Variants in LRRTM4 observed in about 807,000 individuals in gnomAD.
The protein encoded by LRRTM4 is leucine-rich repeat transmembrane neuronal protein 4.
A neutral mutation model predicts 47.6 loss-of-function variants in LRRTM4; 25 were observed. The observed-to-expected ratio is 0.53, with a 90% confidence interval of 0.38 to 0.73. The LOEUF is 0.73. LRRTM4 is among the 30% of genes least tolerant of loss of function. The probability of loss-of-function intolerance (pLI) is 0.00; values close to 1 mark genes in which losing one functional copy is unlikely to be tolerated. For synonymous variants in LRRTM4, 311 were observed against 269.5 expected (o/e 1.15, Z -1.51); for missense variants, 638 against 713.4 (o/e 0.89, Z 1.20).
chr2:77,122,040 T>A (rs1014753362), intron 3 of LRRTM4, among the ~76,000 whole-genome samples: 2 of 151,904 alleles, frequency 1.3e-5, no homozygotes, highest in Non-Finnish European at 2.9e-5. Context: ...AATGTTTACA[T>A]GTTTATATAT....
intron 3 of LRRTM4, among the ~76,000 whole-genome samples, chr2:77,223,118 T>A (rs1018363209): frequency 6.6e-6 from 1 of 152,086 alleles, no homozygotes; most frequent in African/African-American, 2.4e-5. Flanking sequence ...CACACAATTA[T>A]ACCAATAGAT....
intron 3 of LRRTM4, among the ~76,000 whole-genome samples, chr2:76,833,306 G>A (rs1006701861): frequency 1.8e-4 from 28 of 152,168 alleles, no homozygotes; most frequent in African/African-American, 6.7e-4. Context: ...TGCAAACTCC[G>A]TGATTGTAAA....
intron 3 of LRRTM4, among the ~76,000 whole-genome samples, chr2:77,143,571 T>C (rs1385575002): frequency 6.6e-6 from 1 of 152,036 alleles, no homozygotes; most frequent in Non-Finnish European, 1.5e-5. Context: ...AAAATTTCAG[T>C]GAAAATAATG....
rs1007813378 is a variant in LRRTM4, at chr2:76,779,104, G to A, written c.1552-30188C>T. Among the ~76,000 whole-genome samples, 442 of 149,568 alleles carry A rather than the reference G, an allele frequency of 3.0e-3. 11 individuals are homozygous for A. The highest frequency in any genetic ancestry group is 0.028 in the Admixed American group (414 of 14,984). On this transcript the variant is annotated intron_variant, in intron 3 of 3. Coordinates refer to ENST00000409884, the MANE Select transcript of LRRTM4 (RefSeq NM_001134745.3). Reference sequence around the variant, plus strand: ...GATTCTTAATCCTGAGTTCTAGTTTGATTGCACTGTGGTCTGAGAGATAGT... The same window carrying A: ...GATTCTTAATCCTGAGTTCTAGTTTAATTGCACTGTGGTCTGAGAGATAGT...
chr2:76,945,689 A>G (rs188865308), intron 3 of LRRTM4, among the ~76,000 whole-genome samples: 28 of 152,086 alleles, frequency 1.8e-4, no homozygotes, highest in African/African-American at 5.5e-4. Flanking sequence ...TAACTAGTCT[A>G]AGACGAAAAC....
At chr2:77,300,000 C>G (rs538875396) in intron 3 of LRRTM4, among the ~76,000 whole-genome samples, 6 of 151,770 alleles carry the variant, frequency 4.0e-5, no homozygotes, top group African/African-American at 1.5e-4. Flanking sequence ...TACAGGCATG[C>G]GCCACCACGC....
intron 3 of LRRTM4, among the ~76,000 whole-genome samples, chr2:76,799,651 G>T (rs1325463671): frequency 1.5e-5 from 2 of 133,448 alleles, no homozygotes; most frequent in Non-Finnish European, 3.2e-5. Flanking sequence ...AGGAAAAGAG[G>T]AAGTCAAATT....
At chr2:77,106,303 G>C (rs1671091476) in intron 3 of LRRTM4, among the ~76,000 whole-genome samples, 1 of 152,136 alleles carries the variant, frequency 6.6e-6, no homozygotes, top group African/African-American at 2.4e-5. Context: ...CTTCTGGAGA[G>C]CAGAGATTAG....
chr2:77,500,295 A>T (rs1678523131), intron 3 of LRRTM4, among the ~76,000 whole-genome samples: 1 of 151,782 alleles, frequency 6.6e-6, no homozygotes, highest in Non-Finnish European at 1.5e-5. Flanking sequence ...AGTTTGATTT[A>T]AAAAAATGTG....
At chr2:77,340,967 G>T (rs1180565726) in intron 3 of LRRTM4, among the ~76,000 whole-genome samples, 4 of 151,872 alleles carry the variant, frequency 2.6e-5, no homozygotes, top group African/African-American at 9.7e-5. Context: ...GTGAAACCCT[G>T]ATATAAAGCA....
rs749327482 is a variant in LRRTM4 at position 76,807,119 on chromosome 2, T to A, written c.1552-58203A>T. Among the ~76,000 whole-genome samples, 10 of 151,966 alleles carry A rather than the reference T, an allele frequency of 6.6e-5. No individual in the cohort carries two copies. The South Asian group carries it at 1.2e-3, about 19-fold the overall frequency. On this transcript the variant is annotated intron_variant, in intron 3 of 3. Coordinates refer to ENST00000409884, the MANE Select transcript of LRRTM4 (RefSeq NM_001134745.3). ...GTTAACTGCTACAAACCTACCCCAA[T>A]ATGGAACTAAATACCCTACTTAGTC...
At chr2:76,884,372 C>T (rs1277443179) in intron 3 of LRRTM4, among the ~76,000 whole-genome samples, 3 of 152,144 alleles carry the variant, frequency 2.0e-5, no homozygotes, top group Non-Finnish European at 2.9e-5. Context: ...AACTACTATA[C>T]AGTCTGTTTT....
At chr2:76,826,056 G>T (rs1558678856) in intron 3 of LRRTM4, among the ~76,000 whole-genome samples, 1 of 151,668 alleles carries the variant, frequency 6.6e-6, no homozygotes, top group Admixed American at 6.6e-5. Flanking sequence ...ATTACACATA[G>T]AATAATAGTT....
chr2:77,237,604 G>T (rs865987550), intron 3 of LRRTM4, among the ~76,000 whole-genome samples: 3 of 152,132 alleles, frequency 2.0e-5, no homozygotes, highest in Non-Finnish European at 2.9e-5. Flanking sequence ...ATTTCCTTCT[G>T]CTAGCTTTGG....
At chr2:77,256,063 A>C (rs55770966) in intron 3 of LRRTM4, among the ~76,000 whole-genome samples, 1 of 151,902 alleles carries the variant, frequency 6.6e-6, no homozygotes, top group Non-Finnish European at 1.5e-5. Flanking sequence ...AAGGAGGAAA[A>C]ACACCAATGT....
At chr2:77,340,815 T>G (rs901314885) in intron 3 of LRRTM4, among the ~76,000 whole-genome samples, 3 of 151,944 alleles carry the variant, frequency 2.0e-5, no homozygotes, top group Admixed American at 6.6e-5. Context: ...AATATAGACC[T>G]TGCTCAGGGA....
At chr2:77,334,973 C>A (rs370491329) in intron 3 of LRRTM4, among the ~76,000 whole-genome samples, 66 of 152,258 alleles carry the variant, frequency 4.3e-4, no homozygotes, top group African/African-American at 1.5e-3. Context: ...ATGCTAGTTT[C>A]TATTTGAATA....
chr2:77,307,331 C>G (rs1423857129), intron 3 of LRRTM4, among the ~76,000 whole-genome samples: 3 of 151,452 alleles, frequency 2.0e-5, no homozygotes, highest in Non-Finnish European at 4.4e-5. Context: ...CTGTGCTTTT[C>G]TCATTATATT....
At chr2:76,995,648 C>G (rs374042458) in intron 3 of LRRTM4, among the ~76,000 whole-genome samples, 2 of 152,070 alleles carry the variant, frequency 1.3e-5, no homozygotes, top group South Asian at 2.1e-4. Context: ...AGTGTTGCTA[C>G]CTAGGAAAGC....
Sources: gnomAD v4.1 joint callset for allele counts (sites outside exome capture counted in the v4.1 genomes callset) on GRCh38, gnomAD v4.1.1 for gene constraint, MANE v1.5 for transcripts, NCBI Gene and HGNC (gene_info 2026-07-23, HGNC 2026-07-21) for gene names.